Variants in PHF24 observed in about 807,000 individuals in gnomAD.
PHF24 encodes Galpha inhibitory interacting protein.
In PHF24, 25 loss-of-function variants were observed where a neutral mutation model predicts 42.6. The observed-to-expected ratio is 0.59, with a 90% CI of 0.43 to 0.82. PHF24 has a LOEUF of 0.82. Among genes scored for constraint, PHF24 ranks in the 40% least tolerant of loss-of-function variants. The probability of loss-of-function intolerance (pLI) is 0.00; values close to 1 mark genes in which losing one functional copy is unlikely to be tolerated. For missense variants in PHF24, 470 were observed against 538.1 expected, an observed-to-expected ratio of 0.87 and a Z score of 1.25; for synonymous variants, 185 against 204.8, an observed-to-expected ratio of 0.90 and a Z score of 0.83.
intron 3 of PHF24, 66 bp downstream of exon 3, chr9:34,972,597 C>A: frequency 6.8e-7 from 1 of 1,464,570 alleles, no homozygotes; most frequent in East Asian, 2.4e-5. Flanking sequence ...TCTTAGAACA[C>A]TTGATTTTAG....
chr9:34,821,160 AT>A, the PHF24 span, among the ~76,000 whole-genome samples: 1 of 152,214 alleles, frequency 6.6e-6, no homozygotes, highest in Non-Finnish European at 1.5e-5. Flanking sequence ...TTTTTAGAAC[AT>A]TTACATTTAA....
the PHF24 span, chr9:34,895,928 A>G: frequency 5.2e-6 from 2 of 384,730 alleles, no homozygotes; most frequent in Non-Finnish European, 9.2e-6. Flanking sequence ...TGGTGATTCA[A>G]TGTTCAGATG....
At chr9:34,811,323 A>G in the PHF24 span, among the ~76,000 whole-genome samples, 1 of 152,182 alleles carries the variant, frequency 6.6e-6, no homozygotes, top group Non-Finnish European at 1.5e-5. Flanking sequence ...TTAATTCTCA[A>G]TGCAACCGTG....
At chr9:34,702,832 G>A in the PHF24 span, among the ~76,000 whole-genome samples, 2 of 152,178 alleles carry the variant, frequency 1.3e-5, no homozygotes, top group East Asian at 1.9e-4. Flanking sequence ...ACAAATATAG[G>A]CGTTAGAAAA....
At chr9:34,787,166 TA>T in the PHF24 span, among the ~76,000 whole-genome samples, 2 of 152,176 alleles carry the variant, frequency 1.3e-5, no homozygotes, top group African/African-American at 4.8e-5. Flanking sequence ...AGATTTCTAA[TA>T]ATGGTATGAT....
the PHF24 span, among the ~76,000 whole-genome samples, chr9:34,827,605 G>T: frequency 6.6e-6 from 1 of 152,086 alleles, no homozygotes; most frequent in African/African-American, 2.4e-5. Context: ...AGGAACCAGG[G>T]GCATCCCACT....
chr9:34,676,806 G>A, the PHF24 span, among the ~76,000 whole-genome samples: 1 of 152,146 alleles, frequency 6.6e-6, no homozygotes, highest in African/African-American at 2.4e-5. Flanking sequence ...ATATGGCAGG[G>A]GAAGGAGCAA....
At chr9:34,820,951 T>C in the PHF24 span, among the ~76,000 whole-genome samples, 4 of 152,338 alleles carry the variant, frequency 2.6e-5, no homozygotes, top group South Asian at 2.1e-4. Context: ...GGGAATCTCA[T>C]TGTGGTTTTG....
At chr9:34,802,584 G>A in the PHF24 span, among the ~76,000 whole-genome samples, 2 of 152,106 alleles carry the variant, frequency 1.3e-5, no homozygotes, top group Non-Finnish European at 2.9e-5. Flanking sequence ...AAAGCAAAAC[G>A]ATATTTATAA....
At chr9:34,731,771 T>C in the PHF24 span, among the ~76,000 whole-genome samples, 1 of 152,228 alleles carries the variant, frequency 6.6e-6, no homozygotes, top group Non-Finnish European at 1.5e-5. Flanking sequence ...ATCTCTTCAA[T>C]ATACTGATTT....
the PHF24 span, chr9:34,835,103 G>T: frequency 6.5e-7 from 1 of 1,528,230 alleles, no homozygotes; most frequent in Non-Finnish European, 8.8e-7. Flanking sequence ...GGCTGGAGAG[G>T]GCAAGGCTAG....
chr9:34,678,488 C>A, the PHF24 span, among the ~76,000 whole-genome samples: 1 of 152,032 alleles, frequency 6.6e-6, no homozygotes, highest in East Asian at 1.9e-4. Flanking sequence ...GCGCCTGCCA[C>A]CACACCCAGC....
chr9:34,977,005 T>C (rs923871318), intron 5 of PHF24, 78 bp from the exon 6 acceptor site: 2 of 1,464,858 alleles, frequency 1.4e-6, no homozygotes, highest in Admixed American at 4.3e-5. Context: ...GCAAAGGTGG[T>C]AATGGAGATA....
the PHF24 span, among the ~76,000 whole-genome samples, chr9:34,907,169 C>T: frequency 1.3e-5 from 2 of 152,142 alleles, no homozygotes; most frequent in South Asian, 4.1e-4. Flanking sequence ...CAAGAGATCA[C>T]CCAGGGAACT....
At chr9:34,950,223 C>T in the PHF24 span, among the ~76,000 whole-genome samples, 1 of 151,882 alleles carries the variant, frequency 6.6e-6, no homozygotes, top group Admixed American at 6.6e-5. Context: ...GGGTGCACTG[C>T]TGTAGTCCCA....
the PHF24 span, among the ~76,000 whole-genome samples, chr9:34,915,933 C>T: frequency 2.6e-5 from 4 of 152,208 alleles, no homozygotes; most frequent in East Asian, 7.8e-4. Flanking sequence ...ACCCCACCAC[C>T]AACCCTGGTG....
At chr9:34,832,923 G>T in the PHF24 span, 1 of 1,551,728 alleles carries the variant, frequency 6.4e-7, no homozygotes, top group Admixed American at 2.0e-5. Flanking sequence ...CCAGGGACTC[G>T]TGGAGGTAGC....
the PHF24 span, chr9:34,728,491 G>A: frequency 1.4e-5 from 13 of 923,736 alleles, 1 homozygote; most frequent in South Asian, 1.9e-4. Context: ...TTCAGTCTGG[G>A]GAACTGGAGT....
the PHF24 span, among the ~76,000 whole-genome samples, chr9:34,931,463 A>C: frequency 8.6e-5 from 13 of 151,736 alleles, no homozygotes; most frequent in African/African-American, 2.9e-4. Context: ...AAGACTGCAT[A>C]TTAGGTACAG....
Sources: allele counts gnomAD v4.1 joint callset (sites outside exome capture counted in the v4.1 genomes callset), GRCh38; gene constraint gnomAD v4.1.1; transcripts MANE v1.5; gene names NCBI Gene and HGNC (gene_info 2026-07-23, HGNC 2026-07-21).